SHROOM4: variants seen among roughly 807,000 people sequenced by gnomAD.
SHROOM4 encodes protein Shroom4.
Under a neutral mutation model 80.3 loss-of-function variants are expected in SHROOM4, and 17 were observed. The ratio of observed to expected loss-of-function variants is 0.21; its 90% CI spans 0.14 to 0.32. The LOEUF is 0.32. SHROOM4 is among the 10% of genes least tolerant of loss of function. The probability of loss-of-function intolerance (pLI) is 1.00; values close to 1 mark genes in which losing one functional copy is unlikely to be tolerated. For synonymous variants in SHROOM4, 400 were observed against 437.5 expected (o/e 0.91, Z 1.07); for missense variants, 993 against 1,140.3 (o/e 0.87, Z 1.86).
At chrX:50,678,978 AACC>A (rs1430334310) in intron 2 of SHROOM4, among the ~76,000 whole-genome samples, 1 of 111,720 alleles carries the variant, frequency 9.0e-6, no homozygotes, top group Non-Finnish European at 1.9e-5. Flanking sequence ...TGCCAAAGTC[AACC>A]AGTAACCTCT....
Position 50,634,025 on chromosome X carries a change from C to T in SHROOM4, c.2048G>A (p.Gly683Glu). 5.8e-6 allele frequency: 7 copies of T among 1,211,751 alleles called. No homozygotes were observed. Among genetic ancestry groups the T allele is most frequent in the Non-Finnish European group, 6.7e-6 (6 of 895,354 alleles). Reference sequence around the variant, plus strand: ...AGGCCTCTGGCCAGGGCTTATTCGTCCCTCTAAGCCTGTCCTAGATTCATG... The same window carrying T: ...AGGCCTCTGGCCAGGGCTTATTCGTTCCTCTAAGCCTGTCCTAGATTCATG... ...ESHESRTGLEGRISPGQRPGQ... is the reference protein window; with the variant it reads ...ESHESRTGLEERISPGQRPGQ... Residue 683 changes from glycine to glutamate, a missense_variant, in exon 4 of 9, where the codon GGA becomes GAA. Transcript: ENST00000376020.
chrX:50,656,572 T>C (rs1356272737), intron 2 of SHROOM4, among the ~76,000 whole-genome samples: 3 of 111,778 alleles, frequency 2.7e-5, no homozygotes, highest in Middle Eastern at 4.2e-3. Flanking sequence ...AATGTGTGGA[T>C]TTATTTTTGG....
intron 2 of SHROOM4, chrX:50,649,716 A>C (rs1931968105): frequency 8.9e-6 from 1 of 112,451 alleles, no homozygotes; most frequent in Non-Finnish European, 1.9e-5. Context: ...ATAATGCACA[A>C]ATTTGTGAAA....
chrX:50,580,494 A>G, the SHROOM4 span, among the ~76,000 whole-genome samples: 1 of 112,344 alleles, frequency 8.9e-6, no homozygotes, highest in African/African-American at 3.2e-5. Context: ...TTGCTACCTT[A>G]TTATTAGGAA....
chrX:50,703,348 C>A lies in SHROOM4; in HGVS notation c.118-7411G>T, dbSNP rs782185316. Among the ~76,000 whole-genome samples the A allele has an allele frequency of 1.2e-4, 13 of 110,662 alleles. No individual in the cohort carries two copies. In the East Asian group the frequency reaches 2.3e-3, roughly 19 times the overall value. ...ATCAGATATGTTTCTTTCTTATGGT[C>A]CCCAGAGTTCATGTCAATCTCAGAT... On this transcript the variant is annotated intron_variant, in intron 1 of 8. Transcript: ENST00000376020.
intron 2 of SHROOM4, among the ~76,000 whole-genome samples, chrX:50,693,087 T>G (rs1273719279): frequency 1.8e-5 from 2 of 111,082 alleles, no homozygotes; most frequent in Non-Finnish European, 3.8e-5. Flanking sequence ...ATAGGAGATA[T>G]AGAAAATAAA....
At chrX:50,768,502 T>A (rs1935326980) in intron 1 of SHROOM4, among the ~76,000 whole-genome samples, 1 of 111,865 alleles carries the variant, frequency 8.9e-6, no homozygotes, top group South Asian at 3.8e-4. Flanking sequence ...GGGCGTTAAG[T>A]CTGCTTGTAT....
At chrX:50,758,735 T>C (rs937675169) in intron 1 of SHROOM4, among the ~76,000 whole-genome samples, 3 of 111,848 alleles carry the variant, frequency 2.7e-5, no homozygotes, top group Admixed American at 9.5e-5. Context: ...TTGTGAAGTA[T>C]TGGTATTAAC....
intron 1 of SHROOM4, among the ~76,000 whole-genome samples, chrX:50,700,193 T>A (rs782174105): frequency 8.9e-6 from 1 of 112,472 alleles, no homozygotes; most frequent in South Asian, 3.7e-4. Flanking sequence ...ATTGTTTAAA[T>A]TGATGTGTTT....
chrX:50,703,173 T>C (rs1210795852), intron 1 of SHROOM4, among the ~76,000 whole-genome samples: 1 of 111,882 alleles, frequency 8.9e-6, no homozygotes, highest in Non-Finnish European at 1.9e-5. Context: ...AACAACACTT[T>C]ATTTTACCAG....
At chrX:50,629,391 C>A (rs1366383266) in intron 4 of SHROOM4, among the ~76,000 whole-genome samples, 3 of 111,821 alleles carry the variant, frequency 2.7e-5, no homozygotes, top group Non-Finnish European at 5.6e-5. Flanking sequence ...GGATTCAAAT[C>A]GCACACCTGC....
intron 8 of SHROOM4, 27 bp from the exon 9 acceptor site, chrX:50,596,991 G>T (rs781952416): frequency 1.7e-6 from 2 of 1,202,668 alleles, no homozygotes; most frequent in South Asian, 1.8e-5. Flanking sequence ...CCAAGTAAGG[G>T]CTCTCTCAAT....
rs1480355496 is a variant in SHROOM4, at chrX:50,768,327, T to C, written c.117+45575A>G. Among the ~76,000 whole-genome samples the C allele has an allele frequency of 3.6e-5, 4 of 112,015 alleles. No individual in the cohort carries two copies. The South Asian group carries it at 1.5e-3, about 42-fold the overall frequency. ...AGAACATTCTGGGTGGGTAAAGCGA[T>C]TGCTGGCAATGTTAAAAGAGAAGGA... On this transcript the variant is annotated intron_variant, in intron 1 of 8. Coordinates refer to ENST00000376020, the MANE Select transcript of SHROOM4 (RefSeq NM_020717.5).
chrX:50,689,596 T>C (rs1204603633), intron 2 of SHROOM4, among the ~76,000 whole-genome samples: 1 of 111,825 alleles, frequency 8.9e-6, no homozygotes, highest in Non-Finnish European at 1.9e-5. Flanking sequence ...TTTGTTCCCA[T>C]TACGAATGAC....
intron 2 of SHROOM4, among the ~76,000 whole-genome samples, chrX:50,681,202 C>T (rs527915255): frequency 3.6e-5 from 4 of 111,457 alleles, no homozygotes; most frequent in African/African-American, 9.8e-5. Flanking sequence ...CAGTCTGTTT[C>T]CCATACAGCA....
At chrX:50,813,160 T>TGGC (rs781798597) in intron 1 of SHROOM4, among the ~76,000 whole-genome samples, 18,064 of 101,900 alleles carry the variant, frequency 0.18, 1,530 homozygotes, top group Non-Finnish European at 0.24. Context: ...GCGGCGGCAG[T>TGGC]GGCGGCGGCG....
In SHROOM4 at chrX:50,607,486, A is replaced by G. The variant is rs1929717957; in HGVS notation, c.3656T>C (p.Ile1219Thr). 5 of 1,211,353 alleles carry G rather than the reference A, an allele frequency of 4.1e-6. No homozygotes were observed. In the East Asian group the frequency reaches 1.5e-4, roughly 36 times the overall value. ...ALHSSDFLPPIRGHLGSQPEQ... is the reference protein window; with the variant it reads ...ALHSSDFLPPTRGHLGSQPEQ... ...AGGTTGAGATCCCAAGTGACCCCTT[A>G]TTGGAGGCAAGAAATCACTGGAATG... Residue 1219 changes from isoleucine (I) to threonine (T), a missense_variant, in exon 6 of 9, where the codon ATA becomes ACA. Transcript: ENST00000376020.
At chrX:50,764,335 C>T (rs782742367) in intron 1 of SHROOM4, among the ~76,000 whole-genome samples, 15 of 110,045 alleles carry the variant, frequency 1.4e-4, no homozygotes, top group African/African-American at 2.3e-4. Flanking sequence ...TTCTTGACTA[C>T]GCCAACCCAA....
At chrX:50,705,686 C>T (rs1933652157) in intron 1 of SHROOM4, among the ~76,000 whole-genome samples, 1 of 109,295 alleles carries the variant, frequency 9.1e-6, no homozygotes, top group African/African-American at 3.3e-5. Flanking sequence ...TTTTCCAACC[C>T]TCCCTACACA....
Sources: allele counts gnomAD v4.1 joint callset (sites outside exome capture counted in the v4.1 genomes callset), GRCh38; gene constraint gnomAD v4.1.1; transcripts MANE v1.5; gene names NCBI Gene and HGNC (gene_info 2026-07-23, HGNC 2026-07-21).